FUNDC2: variants seen among roughly 807,000 people sequenced by gnomAD.
FUNDC2 encodes the protein FUN14 domain-containing protein 2.
In FUNDC2, 4 loss-of-function variants were observed where a neutral mutation model predicts 15.6. That is an observed-to-expected ratio of 0.26 (90% CI 0.13 to 0.59). FUNDC2 has a LOEUF of 0.59. Ranked by LOEUF, FUNDC2 falls within the 20% of genes least tolerant of loss-of-function variation. The pLI is 0.90. For missense variants in FUNDC2, 98 were observed against 149.7 expected (o/e 0.65, Z 1.80); for synonymous variants, 44 against 56.9 (o/e 0.77, Z 1.02).
chrX:155,054,715 A>C lies in FUNDC2; in HGVS notation c.*43A>C. 9.3e-7 allele frequency: 1 copy of C among 1,079,220 alleles called. No homozygotes were observed. The highest frequency in any genetic ancestry group is 1.3e-6 in the Non-Finnish European group (1 of 775,381). 88.9% of individuals were successfully genotyped at this position (1,079,220 alleles called of 1,213,427 possible). A position where few individuals can be genotyped will look rare whatever the true frequency, so the allele number is the denominator to read the frequency against. On this transcript the variant is annotated 3_prime_UTR_variant, in exon 5 of 5. Coordinates refer to ENST00000369498, the MANE Select transcript of FUNDC2 (RefSeq NM_023934.4). ...TCATTGTTCCTGGTTTTTTCCAGCC[A>C]GCAGCCTCTACACTCCATCATAGGA...
chrX:155,042,324 T>C (rs1557289679), intron 2 of FUNDC2, among the ~76,000 whole-genome samples: 1 of 106,103 alleles, frequency 9.4e-6, no homozygotes, highest in African/African-American at 3.4e-5. Context: ...GTAGCTGGGA[T>C]TACAGGTGTG....
In FUNDC2 at chrX:155,055,718, A is replaced by G. The variant is rs2073892720; in HGVS notation, c.*1046A>G. The G allele has an allele frequency of 1.6e-5, 2 of 123,605 alleles. No homozygotes were observed. Among genetic ancestry groups the G allele is most frequent in the East Asian group, 4.3e-4 (2 of 4,610 alleles). The allele number at this position is 123,605 out of a possible 1,213,427, so 10.2% of individuals were successfully genotyped here. ...TACCATGTCTACAGTCCCTACTAGA[A>G]TATCAGTCAGCTTTCAGAGGGCAAG... On this transcript the variant is annotated 3_prime_UTR_variant, in exon 5 of 5. Coordinates refer to ENST00000369498, the MANE Select transcript of FUNDC2 (RefSeq NM_023934.4).
chrX:155,057,097 CTTGGGATTG>C lies in FUNDC2; in HGVS notation c.*2427_*2435del, dbSNP rs1557291102. ...CCACGGTGTGAGGCCACTGTGACCA[CTTGGGATTG>C]TGCAGAGCTGGCATGGAGGTTGAAC... On this transcript the variant is annotated 3_prime_UTR_variant, in exon 5 of 5. Coordinates refer to ENST00000369498, the MANE Select transcript of FUNDC2 (RefSeq NM_023934.4). The C allele has an allele frequency of 2.0e-3, 213 of 104,455 alleles. No individual in the cohort carries two copies. Among genetic ancestry groups the C allele is most frequent in the African/African-American group, 7.0e-3 (209 of 29,860 alleles). 8.6% of individuals were successfully genotyped at this position (104,455 alleles called of 1,213,427 possible).
chrX:155,060,130 A>G lies in FUNDC2; in HGVS notation c.*5458A>G, dbSNP rs2073921753. 8.9e-6 allele frequency: 1 copy of G among 112,386 alleles called. No homozygotes were observed. Among genetic ancestry groups the G allele is most frequent in the Non-Finnish European group, 1.9e-5 (1 of 53,327 alleles). 9.3% of individuals were successfully genotyped at this position (112,386 alleles called of 1,213,427 possible). On this transcript the variant is annotated 3_prime_UTR_variant, in exon 5 of 5. Coordinates refer to ENST00000369498, the MANE Select transcript of FUNDC2 (RefSeq NM_023934.4). ...ACTTTAGCATAAAAACATTTAAAAGAGTCTGAAACTGGAGTAGTTAACTCA... is the reference window on the plus strand; with the variant it reads ...ACTTTAGCATAAAAACATTTAAAAGGGTCTGAAACTGGAGTAGTTAACTCA...
chrX:155,033,559 T>C lies in FUNDC2; in HGVS notation c.284+6T>C, dbSNP rs2073822479. 8.3e-7 allele frequency: 1 copy of C among 1,206,474 alleles called. No homozygotes were observed. Among genetic ancestry groups the C allele is most frequent in the Middle Eastern group, 2.3e-4 (1 of 4,337 alleles). On this transcript the variant is annotated splice_donor_region_variant and intron_variant, in intron 2 of 4. Transcript: ENST00000369498. ...ATTGGAGGTGTCACTGGATGGTAAGTGATGTGAAAGATGTCCACTGTCTTT... is the reference window on the plus strand; with the variant it reads ...ATTGGAGGTGTCACTGGATGGTAAGCGATGTGAAAGATGTCCACTGTCTTT...
chrX:155,057,081 G>C lies in FUNDC2; in HGVS notation c.*2409G>C, dbSNP rs1440261383. The C allele has an allele frequency of 9.9e-6, 1 of 101,136 alleles. No homozygotes were observed. The highest frequency in any genetic ancestry group is 2.2e-5 in the Non-Finnish European group (1 of 46,007). The allele number at this position is 101,136 out of a possible 1,213,427, so 8.3% of individuals were successfully genotyped here. On this transcript the variant is annotated 3_prime_UTR_variant, in exon 5 of 5. Transcript: ENST00000369498. ...CGGCTGTGAGTTCTGCCCACGGTGT[G>C]AGGCCACTGTGACCACTTGGGATTG...
chrX:155,046,389 T>G, intron 2 of FUNDC2, 120 bp from the exon 3 acceptor site: 1 of 590,044 alleles, frequency 1.7e-6, no homozygotes, highest in Non-Finnish European at 2.9e-6. Context: ...TGGCTTTATG[T>G]AGGGGGTAGG....
rs1313791082 is a variant in FUNDC2, at chrX:155,058,532, A to G, written c.*3860A>G. On this transcript the variant is annotated 3_prime_UTR_variant, in exon 5 of 5. Coordinates refer to ENST00000369498, the MANE Select transcript of FUNDC2 (RefSeq NM_023934.4). ...TGATCTCAATTTCTTCTCAGAGGGAAGCTCACAGCCAGTTTTGGACCCCAG... is the reference window on the plus strand; with the variant it reads ...TGATCTCAATTTCTTCTCAGAGGGAGGCTCACAGCCAGTTTTGGACCCCAG... 1.4e-4 allele frequency: 15 copies of G among 110,316 alleles called. No individual in the cohort carries two copies. The highest frequency in any genetic ancestry group is 4.6e-4 in the African/African-American group (14 of 30,250). The allele number at this position is 110,316 out of a possible 1,213,427, so 9.1% of individuals were successfully genotyped here.
Position 155,059,224 on chromosome X carries a change from T to C in FUNDC2, c.*4552T>C, listed in dbSNP as rs1233464446. ...CCTTTTATATTAAGTGCCATACAAC[T>C]TCAGATGCCTTCTGAATACTGAACA... On this transcript the variant is annotated 3_prime_UTR_variant, in exon 5 of 5. Coordinates refer to ENST00000369498, the MANE Select transcript of FUNDC2 (RefSeq NM_023934.4). The C allele has an allele frequency of 8.9e-6, 1 of 112,496 alleles. No homozygotes were observed. The highest frequency in any genetic ancestry group is 3.2e-5 in the African/African-American group (1 of 30,928). The allele number at this position is 112,496 out of a possible 1,213,427, so 9.3% of individuals were successfully genotyped here. A position where few individuals can be genotyped will look rare whatever the true frequency, so the allele number is the denominator to read the frequency against.
chrX:155,029,529 G>A (rs782150428), intron 1 of FUNDC2, among the ~76,000 whole-genome samples: 52 of 110,300 alleles, frequency 4.7e-4, no homozygotes, highest in African/African-American at 1.7e-3. Flanking sequence ...TGAGGCAGGC[G>A]GATCACCTGA....
chrX:155,056,822 C>A lies in FUNDC2; in HGVS notation c.*2150C>A, dbSNP rs1045228872. On this transcript the variant is annotated 3_prime_UTR_variant, in exon 5 of 5. Transcript: ENST00000369498. ...GTGGGGTAGGGGTTGTCTTTTGGTG[C>A]ATCTGTTTTTCCTGTGATTATTGGT... The A allele has an allele frequency of 3.6e-5, 4 of 111,783 alleles. No homozygotes were observed. The highest frequency in any genetic ancestry group is 1.3e-4 in the African/African-American group (4 of 30,714). The allele number at this position is 111,783 out of a possible 1,213,427, so 9.2% of individuals were successfully genotyped here.
chrX:155,048,999 C>G, intron 3 of FUNDC2: 2 of 112,705 alleles, frequency 1.8e-5, no homozygotes, highest in Admixed American at 1.9e-4. Context: ...TCTATAAAAT[C>G]TTTTTATGCC....
At chrX:155,034,009 T>C (rs994128286) in intron 2 of FUNDC2, among the ~76,000 whole-genome samples, 2 of 112,454 alleles carry the variant, frequency 1.8e-5, no homozygotes, top group Admixed American at 9.4e-5. Context: ...GAATATTGAA[T>C]CCATTAATCT....
intron 4 of FUNDC2, chrX:155,054,144 G>A (rs1434065242): frequency 2.7e-6 from 2 of 753,617 alleles, no homozygotes; most frequent in Non-Finnish European, 3.1e-6. Context: ...AGAGATTTAG[G>A]GGAGAGACTT....
At position 155,049,919 on chromosome X, in the gene FUNDC2, G is replaced by C. The variant is rs932803544; in HGVS notation, c.361-1751G>C. The C allele has an allele frequency of 5.0e-4, 56 of 112,132 alleles. 1 individual carries two copies. Among genetic ancestry groups the C allele is most frequent in the African/African-American group, 1.8e-3 (55 of 30,831 alleles). 9.2% of individuals were successfully genotyped at this position (112,132 alleles called of 1,213,427 possible). ...AGCATATAGAAATTCAGTTGGTTTT[G>C]TGTGAATTTGTGTCCTGTGACCCTG... is the stretch of plus-strand genomic sequence containing the variant. On this transcript the variant is annotated intron_variant, in intron 3 of 4. Transcript: ENST00000369498.
intron 2 of FUNDC2, among the ~76,000 whole-genome samples, chrX:155,045,362 TCA>T (rs2073859057): frequency 8.9e-6 from 1 of 111,927 alleles, no homozygotes; most frequent in African/African-American, 3.3e-5. Context: ...GCTGCTCTTA[TCA>T]CAAAAAAGTA....
At chrX:155,045,675 G>A (rs1336812495) in intron 2 of FUNDC2, among the ~76,000 whole-genome samples, 1 of 111,145 alleles carries the variant, frequency 9.0e-6, no homozygotes, top group African/African-American at 3.3e-5. Context: ...TATGGACACA[G>A]GACAAAAGAG....
At chrX:155,050,216 T>C (rs2073875638) in intron 3 of FUNDC2, 2 of 112,122 alleles carry the variant, frequency 1.8e-5, no homozygotes, top group Non-Finnish European at 3.8e-5. Context: ...GGGTTTTTTA[T>C]GTAGATGTTC....
intron 1 of FUNDC2, among the ~76,000 whole-genome samples, chrX:155,032,638 TA>T (rs1557288855): frequency 9.0e-6 from 1 of 110,955 alleles, no homozygotes; most frequent in African/African-American, 3.3e-5. Context: ...GTGGATTAAT[TA>T]GATGTACATG....
Sources: gnomAD v4.1 joint callset for allele counts (sites outside exome capture counted in the v4.1 genomes callset) on GRCh38, gnomAD v4.1.1 for gene constraint, MANE v1.5 for transcripts, NCBI Gene and HGNC (gene_info 2026-07-23, HGNC 2026-07-21) for gene names.